Variants in LRRTM4 observed in about 807,000 individuals in gnomAD.
LRRTM4 encodes the protein leucine-rich repeat transmembrane neuronal protein 4.
In LRRTM4, 25 loss-of-function variants were observed where a neutral mutation model predicts 47.6. That is an observed-to-expected ratio of 0.53 (90% confidence interval 0.38 to 0.73). The LOEUF is 0.73. Ranked by LOEUF, LRRTM4 falls within the 30% of genes least tolerant of loss-of-function variation. LRRTM4 has a pLI of 0.00. For synonymous variants in LRRTM4, 311 were observed against 269.5 expected (o/e 1.15, Z -1.51); for missense variants, 638 against 713.4 (o/e 0.89, Z 1.20).
intron 3 of LRRTM4, among the ~76,000 whole-genome samples, chr2:77,067,680 G>C (rs1312916486): frequency 9.1e-6 from 1 of 110,482 alleles, no homozygotes. Flanking sequence ...GGTTTTCAAA[G>C]ATACGTACAC....
chr2:77,217,727 C>G (rs1031312731), intron 3 of LRRTM4, among the ~76,000 whole-genome samples: 2 of 151,664 alleles, frequency 1.3e-5, no homozygotes, highest in Non-Finnish European at 2.9e-5. Context: ...GTCTTTCTAT[C>G]TGCAGTACCT....
chr2:76,774,515 AT>A (rs1673872151), intron 3 of LRRTM4, among the ~76,000 whole-genome samples: 1 of 152,188 alleles, frequency 6.6e-6, no homozygotes, highest in Non-Finnish European at 1.5e-5. Flanking sequence ...TATTAAGAAA[AT>A]TTAAAAAAGA....
At chr2:77,380,667 G>A (rs558182546) in intron 3 of LRRTM4, among the ~76,000 whole-genome samples, 2 of 151,882 alleles carry the variant, frequency 1.3e-5, no homozygotes, top group South Asian at 2.1e-4. Flanking sequence ...CTGGATGTGC[G>A]TGCCTGTAAT....
intron 3 of LRRTM4, among the ~76,000 whole-genome samples, chr2:77,317,827 C>T (rs554035502): frequency 6.6e-6 from 1 of 151,886 alleles, no homozygotes; most frequent in South Asian, 2.1e-4. Flanking sequence ...CTATTGATTA[C>T]CAAAAGAAAA....
intron 3 of LRRTM4, among the ~76,000 whole-genome samples, chr2:77,301,805 G>T (rs1157836676): frequency 6.6e-6 from 1 of 151,998 alleles, no homozygotes; most frequent in Non-Finnish European, 1.5e-5. Flanking sequence ...GTTATTAGTG[G>T]GCTGTGGAGA....
chr2:76,813,587 T>TA (rs201452049), intron 3 of LRRTM4, among the ~76,000 whole-genome samples: 4,201 of 151,260 alleles, frequency 0.028, 81 homozygotes, highest in Non-Finnish European at 0.043. Flanking sequence ...ATGCGAACAG[T>TA]AAAAAAAAAT....
At chr2:77,232,862 G>A (rs1052012423) in intron 3 of LRRTM4, among the ~76,000 whole-genome samples, 22 of 152,088 alleles carry the variant, frequency 1.4e-4, no homozygotes, top group African/African-American at 5.1e-4. Context: ...TCATTAATAT[G>A]TTTGCAGTTT....
chr2:77,045,021 C>T (rs115978819), intron 3 of LRRTM4, among the ~76,000 whole-genome samples: 2,277 of 151,868 alleles, frequency 0.015, 67 homozygotes, highest in African/African-American at 0.052. Flanking sequence ...CAATTACTTA[C>T]TATGTGAGGT....
intron 3 of LRRTM4, among the ~76,000 whole-genome samples, chr2:77,462,698 T>TA (rs1477098100): frequency 6.6e-6 from 1 of 152,046 alleles, no homozygotes; most frequent in African/African-American, 2.4e-5. Context: ...AATGATGAAA[T>TA]ACTCCCAAGC....
intron 3 of LRRTM4, among the ~76,000 whole-genome samples, chr2:77,218,903 C>T (rs1674538077): frequency 6.6e-6 from 1 of 152,046 alleles, no homozygotes; most frequent in African/African-American, 2.4e-5. Flanking sequence ...GGGTCTCAGC[C>T]CTCAAGGGGC....
At chr2:77,160,217 C>A (rs1206529937) in intron 3 of LRRTM4, among the ~76,000 whole-genome samples, 1 of 152,180 alleles carries the variant, frequency 6.6e-6, no homozygotes, top group Non-Finnish European at 1.5e-5. Flanking sequence ...AGAAAGTTTT[C>A]ATTTCTGGCT....
chr2:76,908,512 G>A (rs1190371086), intron 3 of LRRTM4, among the ~76,000 whole-genome samples: 1 of 151,742 alleles, frequency 6.6e-6, no homozygotes, highest in Non-Finnish European at 1.5e-5. Context: ...GCAGGAGAAG[G>A]AAATAAAGGG....
intron 3 of LRRTM4, among the ~76,000 whole-genome samples, chr2:77,110,386 T>C (rs527888407): frequency 2.0e-5 from 3 of 152,272 alleles, no homozygotes; most frequent in Non-Finnish European, 4.4e-5. Flanking sequence ...AACACAACCT[T>C]GCTAAAGTTT....
At chr2:76,778,349 T>C (rs1387971842) in intron 3 of LRRTM4, among the ~76,000 whole-genome samples, 1 of 142,162 alleles carries the variant, frequency 7.0e-6, no homozygotes, top group African/African-American at 2.8e-5. Flanking sequence ...CAGTTCCTCC[T>C]TGTACCTCTG....
chr2:77,373,898 T>G (rs1344144601), intron 3 of LRRTM4, among the ~76,000 whole-genome samples: 1 of 151,790 alleles, frequency 6.6e-6, no homozygotes, highest in Admixed American at 6.6e-5. Context: ...TTTTTTCTTA[T>G]GCCCTTCAGT....
At chr2:76,988,200 ATT>A (rs1328606152) in intron 3 of LRRTM4, among the ~76,000 whole-genome samples, 1 of 151,594 alleles carries the variant, frequency 6.6e-6, no homozygotes, top group African/African-American at 2.4e-5. Flanking sequence ...TCGTCTTCCT[ATT>A]TTTTTGTCAT....
intron 3 of LRRTM4, among the ~76,000 whole-genome samples, chr2:77,433,639 A>G (rs1675473528): frequency 6.6e-6 from 1 of 152,178 alleles, no homozygotes; most frequent in Non-Finnish European, 1.5e-5. Flanking sequence ...TCATTGCCAT[A>G]AGACCTTAGG....
chr2:77,300,071 C>T (rs1341934785), intron 3 of LRRTM4, among the ~76,000 whole-genome samples: 3 of 151,862 alleles, frequency 2.0e-5, no homozygotes, highest in African/African-American at 4.8e-5. Context: ...AGGATGGTCT[C>T]GATCTCTTGA....
chr2:77,493,956 C>A (rs1489019782), intron 3 of LRRTM4, among the ~76,000 whole-genome samples: 3 of 152,060 alleles, frequency 2.0e-5, no homozygotes, highest in African/African-American at 7.2e-5. Flanking sequence ...TATCGTACCA[C>A]GCTTTACCAT....
Sources: allele counts gnomAD v4.1 joint callset (sites outside exome capture counted in the v4.1 genomes callset), GRCh38; gene constraint gnomAD v4.1.1; transcripts MANE v1.5; gene names NCBI Gene and HGNC (gene_info 2026-07-23, HGNC 2026-07-21).